The following CNGB3 variants were observed in gnomAD, a reference collection of about 807,000 sequenced individuals.
CNGB3 encodes cyclic nucleotide-gated channel beta-3.
CNGB3 carries 86 observed loss-of-function variants against 92.8 expected under a neutral mutation model. The observed-to-expected ratio is 0.93, with a 90% CI of 0.78 to 1.11. CNGB3 has a LOEUF of 1.11. Among genes scored for constraint, CNGB3 ranks in the 50% least tolerant of loss-of-function variants. The pLI, the probability that CNGB3 is intolerant of heterozygous loss-of-function variation, is 0.00. For synonymous variants in CNGB3, 333 were observed against 332.7 expected, an observed-to-expected ratio of 1.00 and a Z score of -0.01; for missense variants, 1,026 against 956.8, an observed-to-expected ratio of 1.07 and a Z score of -0.95.
At chr8:86,599,476 G>A (rs542910818) in intron 15 of CNGB3, among the ~76,000 whole-genome samples, 24 of 152,312 alleles carry the variant, frequency 1.6e-4, no homozygotes, top group African/African-American at 5.1e-4. Flanking sequence ...AACTCTGACT[G>A]CCAGTGGGCC....
At chr8:86,594,787 C>A (rs950350797) in intron 15 of CNGB3, among the ~76,000 whole-genome samples, 3 of 152,322 alleles carry the variant, frequency 2.0e-5, no homozygotes, top group Admixed American at 6.5e-5. Flanking sequence ...CGGCTCACTG[C>A]AACCTCCGAC....
intron 13 of CNGB3, among the ~76,000 whole-genome samples, chr8:86,623,223 G>C (rs986633): frequency 1.3e-5 from 2 of 151,928 alleles, no homozygotes; most frequent in Non-Finnish European, 2.9e-5. Context: ...CGTCTCCCCC[G>C]AACTCAGATT....
chr8:86,726,163 A>G (rs993520502), intron 3 of CNGB3, among the ~76,000 whole-genome samples: 1 of 152,248 alleles, frequency 6.6e-6, no homozygotes, highest in Non-Finnish European at 1.5e-5. Flanking sequence ...CAGAATTGGA[A>G]TAGCTGTTTA....
chr8:86,632,678 C>A, intron 11 of CNGB3, 74 bp downstream of exon 11: 3 of 1,488,766 alleles, frequency 2.0e-6, no homozygotes, highest in Non-Finnish European at 2.8e-6. Context: ...ATTTTTCCTC[C>A]ATAAAGTTTA....
At chr8:86,622,970 A>G (rs2131578022) in intron 13 of CNGB3, among the ~76,000 whole-genome samples, 1 of 152,310 alleles carries the variant, frequency 6.6e-6, no homozygotes, top group Admixed American at 6.5e-5. Context: ...CCTAACTCTA[A>G]TAACTTAGAG....
At chr8:86,657,508 T>G (rs1401109375) in intron 6 of CNGB3, 1 of 510,198 alleles carries the variant, frequency 2.0e-6, no homozygotes, top group Non-Finnish European at 4.0e-6. Flanking sequence ...TAATCTGCTG[T>G]GCAGTGGGAT....
chr8:86,575,706 G>C lies in CNGB3; in HGVS notation c.*98C>G, dbSNP rs957300863. The C allele has an allele frequency of 2.8e-6, 3 of 1,082,580 alleles. No homozygotes were observed. In the African/African-American group the frequency reaches 4.7e-5, roughly 17 times the overall value. The allele number at this position is 1,082,580 out of a possible 1,614,324, so 67.1% of individuals were successfully genotyped here. A position where few individuals can be genotyped will look rare whatever the true frequency, so the allele number is the denominator to read the frequency against. ...AGGGATTTGCCTTTCGTTTCTCAAG[G>C]GTCCCAGCATGTCGTTTCCCCTCGT... On this transcript the variant is annotated 3_prime_UTR_variant, in exon 18 of 18. Coordinates refer to ENST00000320005, the MANE Select transcript of CNGB3 (RefSeq NM_019098.5).
chr8:86,703,427 A>G (rs879617240), intron 3 of CNGB3, among the ~76,000 whole-genome samples: 1 of 152,146 alleles, frequency 6.6e-6, no homozygotes, highest in Non-Finnish European at 1.5e-5. Context: ...GGTGCACACA[A>G]TATAATTCTT....
chr8:86,742,864 T>C (rs1356309294), intron 1 of CNGB3, among the ~76,000 whole-genome samples: 1 of 152,138 alleles, frequency 6.6e-6, no homozygotes, highest in Non-Finnish European at 1.5e-5. Flanking sequence ...CAGAAAAATA[T>C]ATTTAGAACT....
chr8:86,605,387 C>T (rs1822393676), intron 14 of CNGB3, among the ~76,000 whole-genome samples: 1 of 152,230 alleles, frequency 6.6e-6, no homozygotes, highest in South Asian at 2.1e-4. Context: ...GATTGCATAA[C>T]ACTAGGCAAA....
intron 3 of CNGB3, among the ~76,000 whole-genome samples, chr8:86,671,355 T>C (rs1372903133): frequency 1.3e-5 from 2 of 152,204 alleles, no homozygotes; most frequent in African/African-American, 4.8e-5. Context: ...AGTGATTCTG[T>C]TATTACATTG....
intron 3 of CNGB3, chr8:86,707,723 C>T (rs1456535797): frequency 1.3e-5 from 2 of 152,126 alleles, no homozygotes; most frequent in African/African-American, 4.8e-5. Context: ...GAATATAGAC[C>T]ATATGAGGGC....
At chr8:86,643,627 A>G (rs1369778779) in intron 10 of CNGB3, 124 bp downstream of exon 10, 1 of 1,039,974 alleles carries the variant, frequency 9.6e-7, no homozygotes, top group Non-Finnish European at 1.4e-6. Flanking sequence ...TTATGGCCAA[A>G]TAGCATTTAC....
intron 3 of CNGB3, among the ~76,000 whole-genome samples, chr8:86,717,106 T>C (rs1019118305): frequency 2.6e-5 from 4 of 151,930 alleles, no homozygotes; most frequent in Non-Finnish European, 4.4e-5. Context: ...GCAACAGCAG[T>C]TAAAAAAGAC....
At chr8:86,654,999 C>T (rs1031821698) in intron 6 of CNGB3, among the ~76,000 whole-genome samples, 3 of 152,196 alleles carry the variant, frequency 2.0e-5, no homozygotes, top group Non-Finnish European at 4.4e-5. Flanking sequence ...AGCAGATCCA[C>T]TGCACCAAAC....
intron 15 of CNGB3, among the ~76,000 whole-genome samples, chr8:86,601,380 G>T (rs1270890362): frequency 6.6e-6 from 1 of 152,038 alleles, no homozygotes; most frequent in Non-Finnish European, 1.5e-5. Context: ...TTAGAAATGG[G>T]GTATCTGCAC....
intron 15 of CNGB3, among the ~76,000 whole-genome samples, chr8:86,600,666 G>A (rs968177232): frequency 6.7e-6 from 1 of 149,552 alleles, no homozygotes; most frequent in African/African-American, 2.5e-5. Context: ...CTGGAGCGCA[G>A]TGGCGCGATC....
intron 2 of CNGB3, among the ~76,000 whole-genome samples, chr8:86,736,118 G>A (rs1825247706): frequency 6.6e-6 from 1 of 152,118 alleles, no homozygotes; most frequent in African/African-American, 2.4e-5. Flanking sequence ...AGATATAAAT[G>A]AAACCATGTT....
chr8:86,639,005 A>G (rs764566813), intron 10 of CNGB3, among the ~76,000 whole-genome samples: 22 of 151,830 alleles, frequency 1.4e-4, no homozygotes, highest in Non-Finnish European at 2.8e-4. Flanking sequence ...GACATCCTGA[A>G]TAAATATTTT....
Sources: gnomAD v4.1 joint callset for allele counts (sites outside exome capture counted in the v4.1 genomes callset) on GRCh38, gnomAD v4.1.1 for gene constraint, MANE v1.5 for transcripts, NCBI Gene and HGNC (gene_info 2026-07-23, HGNC 2026-07-21) for gene names.